RASEF: variants seen among roughly 807,000 people sequenced by gnomAD.
The protein encoded by RASEF is RAS and EF-hand domain containing.
A neutral mutation model predicts 90.1 loss-of-function variants in RASEF; 68 were observed. That is an observed-to-expected ratio of 0.75 (90% confidence interval 0.62 to 0.92). The LOEUF is 0.92. Ranked by LOEUF, RASEF falls within the 40% of genes least tolerant of loss-of-function variation. RASEF has a pLI of 0.00. For synonymous variants in RASEF, 331 were observed against 345.2 expected (o/e 0.96, Z 0.46); for missense variants, 949 against 937.2 (o/e 1.01, Z -0.16).
At chr9:83,197,415 T>C in the RASEF span, among the ~76,000 whole-genome samples, 126,407 of 152,186 alleles carry the variant, frequency 0.83, 52,588 homozygotes, top group East Asian at 0.96. Context: ...CTGCTATGAG[T>C]TGACATTGCT....
chr9:83,144,547 GT>G, the RASEF span, among the ~76,000 whole-genome samples: 5 of 152,074 alleles, frequency 3.3e-5, no homozygotes, highest in Admixed American at 3.3e-4. Flanking sequence ...CATTTCCACT[GT>G]GCTTTAAAGG....
the RASEF span, among the ~76,000 whole-genome samples, chr9:83,150,509 T>A: frequency 6.6e-6 from 1 of 152,174 alleles, no homozygotes; most frequent in Non-Finnish European, 1.5e-5. Flanking sequence ...AGACCAGATA[T>A]ATATTTCTTA....
chr9:83,150,508 A>G, the RASEF span, among the ~76,000 whole-genome samples: 1 of 152,170 alleles, frequency 6.6e-6, no homozygotes, highest in African/African-American at 2.4e-5. Flanking sequence ...AAGACCAGAT[A>G]TATATTTCTT....
intron 16 of RASEF, 134 bp downstream of exon 16, chr9:82,990,257 T>A (rs1828787984): frequency 3.3e-6 from 2 of 602,194 alleles, no homozygotes; most frequent in Non-Finnish European, 5.8e-6. Context: ...TATCCACATA[T>A]TTATTTCTCC....
At chr9:83,109,987 T>C in the RASEF span, among the ~76,000 whole-genome samples, 2 of 152,208 alleles carry the variant, frequency 1.3e-5, no homozygotes, top group Non-Finnish European at 2.9e-5. Flanking sequence ...GTGCTAAGAA[T>C]GTACAGATCC....
chr9:83,036,698 C>A (rs368176628), intron 1 of RASEF, among the ~76,000 whole-genome samples: 1 of 151,988 alleles, frequency 6.6e-6, no homozygotes, highest in African/African-American at 2.4e-5. Context: ...TAAATGGATG[C>A]TGGAACAACA....
rs1461009979 is a variant in RASEF at position 83,053,683 on chromosome 9, C to T, written c.431+8754G>A. Among the ~76,000 whole-genome samples the T allele has an allele frequency of 6.8e-5, 10 of 146,006 alleles. 1 individual carries two copies. The Middle Eastern group carries it at 0.01, about 149-fold the overall frequency. ...GGCATGATTTTGCAGCGGCTGGTAC[C>T]GGTTGATCCTTTCCATGTTTAGCAC... On this transcript the variant is annotated intron_variant, in intron 1 of 16. Coordinates refer to ENST00000376447, the MANE Select transcript of RASEF (RefSeq NM_152573.4).
At chr9:83,213,092 T>TAA in the RASEF span, among the ~76,000 whole-genome samples, 16,814 of 138,378 alleles carry the variant, frequency 0.12, 1,068 homozygotes, top group Admixed American at 0.2. Flanking sequence ...TGCACACGTT[T>TAA]TAAAAAAAAA....
chr9:83,184,377 T>C, the RASEF span, among the ~76,000 whole-genome samples: 1 of 152,058 alleles, frequency 6.6e-6, no homozygotes, highest in African/African-American at 2.4e-5. Flanking sequence ...AAAGCAGGGG[T>C]AAATGAGATG....
intron 5 of RASEF, among the ~76,000 whole-genome samples, chr9:83,010,675 G>A (rs1829223597): frequency 6.6e-6 from 1 of 152,184 alleles, no homozygotes; most frequent in South Asian, 2.1e-4. Context: ...CTGAAGACAA[G>A]GCAGAGATTA....
rs116048245 is a variant in RASEF at position 83,024,288 on chromosome 9, A to C, written c.578+1487T>G. Among the ~76,000 whole-genome samples, 1,072 of 152,276 alleles carry C rather than the reference A, an allele frequency of 7.0e-3. 13 individuals carry two copies. Among genetic ancestry groups the C allele is most frequent in the African/African-American group, 0.024 (992 of 41,558 alleles). ...ATATGATGTACTCACTCCACCATGAAAAAGCAGCCTAGCTGGTAATGAGAA... is the reference window on the plus strand; with the variant it reads ...ATATGATGTACTCACTCCACCATGACAAAGCAGCCTAGCTGGTAATGAGAA... On this transcript the variant is annotated intron_variant, in intron 2 of 16. Coordinates refer to ENST00000376447, the MANE Select transcript of RASEF (RefSeq NM_152573.4).
the RASEF span, among the ~76,000 whole-genome samples, chr9:83,158,607 CATATATGTATATATGTACATATGT>C: frequency 1.5e-5 from 2 of 130,074 alleles, no homozygotes; most frequent in South Asian, 2.4e-4. Context: ...CAAATATATA[CATATATGTATATATGTACATATGT>C]ATATATGTAT....
intron 1 of RASEF, among the ~76,000 whole-genome samples, chr9:83,059,928 C>T (rs1327278946): frequency 1.3e-5 from 2 of 152,152 alleles, no homozygotes; most frequent in Non-Finnish European, 2.9e-5. Context: ...ACTTTCATCC[C>T]TTCATGATGC....
At chr9:83,144,099 A>T in the RASEF span, among the ~76,000 whole-genome samples, 1 of 151,912 alleles carries the variant, frequency 6.6e-6, no homozygotes, top group South Asian at 2.1e-4. Context: ...GGAGCTAAAC[A>T]CTAAGCATAC....
rs551724928 is a variant in RASEF, at chr9:83,025,235, G to A, written c.578+540C>T. On this transcript the variant is annotated intron_variant, in intron 2 of 16. Transcript: ENST00000376447. ...TCAAAGGGGGAGGGCCAAGTGAGGA[G>A]GGCTAGAGAGTAGAGAGAGTCAAAG... 5.9e-5 allele frequency among the ~76,000 whole-genome samples: 9 copies of A among 152,278 alleles called. No individual in the cohort carries two copies. In the East Asian group the frequency reaches 1.7e-3, roughly 29 times the overall value.
rs753686403 is a variant in RASEF at position 83,062,476 on chromosome 9, A to T, written c.392T>A (p.Phe131Tyr). ...GGCTTCGTCCCCAAGTCGCGCCTGG[A>T]AATCCTGCCAAGCCCGGCCGGGACT... is the stretch of plus-strand genomic sequence containing the variant. Reference protein sequence around the residue: ...PASPGRAWQDFQARLGDEAKF... With the variant: ...PASPGRAWQDYQARLGDEAKF... Residue 131 changes from phenylalanine (F) to tyrosine (Y), a missense_variant, in exon 1 of 17, where the codon TTC becomes TAC. Transcript: ENST00000376447. The T allele has an allele frequency of 1.2e-6, 2 of 1,612,726 alleles. No homozygotes were observed. Among genetic ancestry groups the T allele is most frequent in the East Asian group, 4.5e-5 (2 of 44,800 alleles).
At chr9:83,144,366 A>AAAGAAAGAAAGAAAG in the RASEF span, among the ~76,000 whole-genome samples, 1 of 74,760 alleles carries the variant, frequency 1.3e-5, no homozygotes, top group Non-Finnish European at 2.8e-5. Flanking sequence ...AAAGAAAGAA[A>AAAGAAAGAAAGAAAG]GAAAGAAAGA....
the RASEF span, among the ~76,000 whole-genome samples, chr9:83,178,748 C>A: frequency 5.9e-3 from 893 of 152,282 alleles, 11 homozygotes; most frequent in African/African-American, 0.021. Context: ...AAGTGTCCAG[C>A]CACCTAAACT....
At chr9:82,998,900 G>C (rs1353376469) in intron 12 of RASEF, among the ~76,000 whole-genome samples, 1 of 152,126 alleles carries the variant, frequency 6.6e-6, no homozygotes, top group African/African-American at 2.4e-5. Context: ...ATAAATGTAT[G>C]TATATCTAAA....
Sources: allele counts gnomAD v4.1 joint callset (sites outside exome capture counted in the v4.1 genomes callset), GRCh38; gene constraint gnomAD v4.1.1; transcripts MANE v1.5; gene names NCBI Gene and HGNC (gene_info 2026-07-23, HGNC 2026-07-21).